Variants in NFAT5 observed in about 807,000 individuals in gnomAD.
NFAT5 encodes the protein nuclear factor of activated T cells 5.
A neutral mutation model predicts 166.5 loss-of-function variants in NFAT5; 31 were observed. The observed-to-expected ratio is 0.19, with a 90% CI of 0.14 to 0.25. The LOEUF is 0.25. Among genes scored for constraint, NFAT5 ranks in the 10% least tolerant of loss-of-function variants. The pLI is 1.00. For missense variants in NFAT5, 1,449 were observed against 1,821.8 expected (o/e 0.80, Z 3.72); for synonymous variants, 612 against 639.7 (o/e 0.96, Z 0.65).
chr16:69,586,988 A>T (rs144943148), intron 2 of NFAT5, among the ~76,000 whole-genome samples: 4 of 152,200 alleles, frequency 2.6e-5, no homozygotes, highest in Non-Finnish European at 5.9e-5. Context: ...GATAACTGCT[A>T]TATTAAATCT....
intron 7 of NFAT5, among the ~76,000 whole-genome samples, chr16:69,662,617 G>A (rs1294024095): frequency 1.3e-5 from 2 of 151,738 alleles, no homozygotes; most frequent in African/African-American, 2.4e-5. Context: ...CCGCCACCAC[G>A]CCCGGCTAAT....
At chr16:69,571,128 C>CT (rs1268442305) in intron 2 of NFAT5, among the ~76,000 whole-genome samples, 1 of 36,752 alleles carries the variant, frequency 2.7e-5, no homozygotes, top group Non-Finnish European at 4.4e-5. Context: ...CCCATCTCTA[C>CT]TAAAAAAAAA....
At position 69,673,975 on chromosome 16, in the gene NFAT5, GC is replaced by G. The variant is rs1181056485; in HGVS notation, c.1558-3227del. Among the ~76,000 whole-genome samples, 7 of 152,112 alleles carry G rather than the reference GC, an allele frequency of 4.6e-5. No homozygotes were observed. The East Asian group carries it at 1.2e-3, about 25-fold the overall frequency. On this transcript the variant is annotated intron_variant, in intron 9 of 14. Transcript: ENST00000349945. Reference sequence around the variant, plus strand: ...TATTATAAATATTGCCAGGCGTGTGGCTCATGCCTATAATCCCAGCAGTTTG... The same window carrying G: ...TATTATAAATATTGCCAGGCGTGTGGTCATGCCTATAATCCCAGCAGTTTG...
At chr16:69,667,323 T>C (rs1245439927) in intron 7 of NFAT5, among the ~76,000 whole-genome samples, 2 of 151,874 alleles carry the variant, frequency 1.3e-5, no homozygotes, top group Admixed American at 6.6e-5. Flanking sequence ...AAAAGTATAA[T>C]AATAATACAT....
chr16:69,658,532 A>T (rs2035989526), intron 6 of NFAT5, among the ~76,000 whole-genome samples: 1 of 151,972 alleles, frequency 6.6e-6, no homozygotes, highest in South Asian at 2.1e-4. Flanking sequence ...AGCTAAAAAC[A>T]TGCCCTTTAA....
intron 7 of NFAT5, among the ~76,000 whole-genome samples, chr16:69,661,078 C>CG (rs2036108939): frequency 7.3e-6 from 1 of 137,796 alleles, no homozygotes; most frequent in Admixed American, 7.6e-5. Context: ...CACCCCCCAC[C>CG]ACCCTTTTTT....
intron 7 of NFAT5, among the ~76,000 whole-genome samples, chr16:69,664,222 A>T (rs1047947058): frequency 2.6e-5 from 4 of 152,190 alleles, no homozygotes; most frequent in Non-Finnish European, 5.9e-5. Flanking sequence ...TATTCTCTTG[A>T]CAGGTTGAAA....
rs746717033 is a variant in NFAT5 at position 69,695,569 on chromosome 16, C to T, written c.*8+190C>T. 2.6e-5 allele frequency: 14 copies of T among 530,810 alleles called. No homozygotes were observed. Among genetic ancestry groups the T allele is most frequent in the African/African-American group, 1.9e-4 (10 of 52,492 alleles). 32.9% of individuals were successfully genotyped at this position (530,810 alleles called of 1,614,324 possible). ...TATAGTTAATACAGACCAGGCCGGG[C>T]GTGGTGGCTCATGCCTGTAATCCCA... is the stretch of plus-strand genomic sequence containing the variant. On this transcript the variant is annotated intron_variant, in intron 14 of 14. Transcript: ENST00000349945.
chr16:69,628,311 G>T (rs1257523987), intron 3 of NFAT5, among the ~76,000 whole-genome samples: 1 of 151,854 alleles, frequency 6.6e-6, no homozygotes, highest in Non-Finnish European at 1.5e-5. Flanking sequence ...ATGAAAATAA[G>T]AAATCTAATT....
chr16:69,656,674 A>C (rs964004878), intron 6 of NFAT5, among the ~76,000 whole-genome samples: 1 of 151,670 alleles, frequency 6.6e-6, no homozygotes, highest in African/African-American at 2.4e-5. Flanking sequence ...CTGGTCTCCA[A>C]CTCCTGACCT....
chr16:69,626,126 A>C (rs2034447440), intron 2 of NFAT5, among the ~76,000 whole-genome samples: 1 of 151,554 alleles, frequency 6.6e-6, no homozygotes, highest in Non-Finnish European at 1.5e-5. Context: ...AAAAAAAAAA[A>C]AACCTTTTGT....
At chr16:69,634,035 T>C (rs1597441132) in intron 3 of NFAT5, among the ~76,000 whole-genome samples, 1 of 151,896 alleles carries the variant, frequency 6.6e-6, no homozygotes, top group African/African-American at 2.4e-5. Flanking sequence ...CCCAGCACTT[T>C]GGGGGGCCGA....
rs768189436 is a variant in NFAT5, at chr16:69,576,904, C to T, written c.127+8356C>T. 8.9e-4 allele frequency among the ~76,000 whole-genome samples: 135 copies of T among 152,198 alleles called. 1 individual carries two copies. Among genetic ancestry groups the T allele is most frequent in the Non-Finnish European group, 1.4e-3 (94 of 68,012 alleles). On this transcript the variant is annotated intron_variant, in intron 2 of 14. Coordinates refer to ENST00000349945, the MANE Select transcript of NFAT5 (RefSeq NM_138713.4). Reference sequence around the variant, plus strand: ...GGAATTACTTTAGAAATGAAGGTGCCGTGGGGCTCTTGATTTCTTTGGCAG... The same window carrying T: ...GGAATTACTTTAGAAATGAAGGTGCTGTGGGGCTCTTGATTTCTTTGGCAG...
intron 2 of NFAT5, among the ~76,000 whole-genome samples, chr16:69,584,660 G>A (rs781681939): frequency 6.6e-6 from 1 of 152,016 alleles, no homozygotes; most frequent in African/African-American, 2.4e-5. Context: ...ATGGTGGCAT[G>A]TGCCTGTTGT....
chr16:69,667,335 TA>T (rs56778821), intron 7 of NFAT5, among the ~76,000 whole-genome samples: 111 of 150,052 alleles, frequency 7.4e-4, no homozygotes, highest in African/African-American at 2.3e-3. Flanking sequence ...ATAATACATT[TA>T]AAAAAAAAAC....
chr16:69,684,288 C>T (rs1332193041), intron 10 of NFAT5, among the ~76,000 whole-genome samples: 2 of 140,634 alleles, frequency 1.4e-5, no homozygotes, highest in Non-Finnish European at 3.0e-5. Flanking sequence ...TGGCTGGGCA[C>T]GGTGGCTCAC....
intron 2 of NFAT5, among the ~76,000 whole-genome samples, chr16:69,614,036 C>A (rs943693491): frequency 1.3e-5 from 2 of 152,152 alleles, no homozygotes; most frequent in African/African-American, 4.8e-5. Context: ...GATTCTGTTG[C>A]CTTTTTCAAC....
rs761282059 is a variant in NFAT5 at position 69,693,559 on chromosome 16, A to C, written c.3734A>C (p.Gln1245Pro). 2 of 1,614,206 alleles carry C rather than the reference A, an allele frequency of 1.2e-6. No individual in the cohort carries two copies. The highest frequency in any genetic ancestry group is 1.7e-6 in the Non-Finnish European group (2 of 1,180,032). Residue 1245 changes from glutamine (Q) to proline (P), a missense_variant, in exon 13 of 15, where the codon CAA becomes CCA. By Grantham distance (76) the Gln-to-Pro change is moderately conservative. Transcript: ENST00000349945. ...SLPPNPMPQS[Q>P]QGTMFQSQHS... ...CCACCTAATCCAATGCCTCAAAGCCAACAAGGAACCATGTTCCAGTCACAG... is the reference window on the plus strand; with the variant it reads ...CCACCTAATCCAATGCCTCAAAGCCCACAAGGAACCATGTTCCAGTCACAG...
rs1366186075 is a variant in NFAT5 at position 69,697,121 on chromosome 16, C to T, written c.*770C>T. The T allele has an allele frequency of 1.3e-5, 2 of 152,534 alleles. No homozygotes were observed. Among genetic ancestry groups the T allele is most frequent in the Non-Finnish European group, 2.9e-5 (2 of 68,024 alleles). The allele number at this position is 152,534 out of a possible 1,614,324, so 9.4% of individuals were successfully genotyped here. On this transcript the variant is annotated 3_prime_UTR_variant, in exon 15 of 15. Transcript: ENST00000349945. ...ATATGATAAATTATGTTCTGATATCCTCCTACAGTAGTTTAAATTGACAGA... is the reference window on the plus strand; with the variant it reads ...ATATGATAAATTATGTTCTGATATCTTCCTACAGTAGTTTAAATTGACAGA...
Sources: gnomAD v4.1 joint callset for allele counts (sites outside exome capture counted in the v4.1 genomes callset) on GRCh38, gnomAD v4.1.1 for gene constraint, MANE v1.5 for transcripts, NCBI Gene and HGNC (gene_info 2026-07-23, HGNC 2026-07-21) for gene names.